MED16: variants seen among roughly 807,000 people sequenced by gnomAD.
MED16 encodes mediator complex subunit 16.
A neutral mutation model predicts 84.4 loss-of-function variants in MED16; 81 were observed. The observed-to-expected ratio is 0.96, with a 90% CI of 0.80 to 1.15. The LOEUF is 1.15. Ranked by LOEUF, MED16 falls within the 50% of genes most tolerant of loss-of-function variation. The pLI, the probability that MED16 is intolerant of heterozygous loss-of-function variation, is 0.00. For synonymous variants in MED16, 897 were observed against 552.2 expected (o/e 1.62, Z -8.76); for missense variants, 1,585 against 1,245.9 (o/e 1.27, Z -4.10).
At position 873,595 on chromosome 19, in the gene MED16, G is replaced by A. The variant is rs201099093; in HGVS notation, c.1772-13C>T. On this transcript the variant is annotated splice_polypyrimidine_tract_variant and intron_variant, in intron 10 of 15. Transcript: ENST00000325464. ...ACCTTGTCAATGTCTACAAGGAGAC[G>A]TGGGTCGGGTCAGCTCGGGCCTCTT... 167 of 1,611,810 alleles carry A rather than the reference G, an allele frequency of 1.0e-4. No individual in the cohort carries two copies. The highest frequency in any genetic ancestry group is 1.2e-4 in the Non-Finnish European group (143 of 1,179,544).
At chr19:889,043 C>T (rs530205320) in intron 4 of MED16, among the ~76,000 whole-genome samples, 7 of 141,500 alleles carry the variant, frequency 4.9e-5, no homozygotes, top group African/African-American at 1.9e-4. Flanking sequence ...CACGCCTACT[C>T]TTAACTGTCC....
chr19:881,484 C>T (rs533264171), intron 7 of MED16, 75 bp downstream of exon 7: 39 of 1,519,142 alleles, frequency 2.6e-5, no homozygotes, highest in East Asian at 2.1e-4. Context: ...CCCACGACCC[C>T]GTGGCCTGTG....
At chr19:879,130 C>A in intron 8 of MED16, among the ~76,000 whole-genome samples, 1 of 141,964 alleles carries the variant, frequency 7.0e-6, no homozygotes, top group African/African-American at 2.6e-5. Context: ...CCCCCCAGCC[C>A]CAGCCCCAGC....
chr19:891,208 G>C, intron 1 of MED16, 59 bp from the exon 2 acceptor site: 1 of 1,504,372 alleles, frequency 6.6e-7, no homozygotes, highest in South Asian at 1.2e-5. Flanking sequence ...GGCATGTGGA[G>C]TGCCAGGCCA....
At chr19:870,404 T>C (rs1047399982) in intron 13 of MED16, among the ~76,000 whole-genome samples, 1 of 151,438 alleles carries the variant, frequency 6.6e-6, no homozygotes. Flanking sequence ...ATACCAAAAA[T>C]ACAAAAAATA....
intron 9 of MED16, among the ~76,000 whole-genome samples, chr19:876,088 C>A (rs890432406): frequency 6.6e-6 from 1 of 152,200 alleles, no homozygotes; most frequent in Non-Finnish European, 1.5e-5. Flanking sequence ...GCCTCGCAGC[C>A]CCCGCCTGGG....
At chr19:873,985 C>A (rs1387309532) in intron 10 of MED16, among the ~76,000 whole-genome samples, 1 of 152,224 alleles carries the variant, frequency 6.6e-6, no homozygotes, top group Non-Finnish European at 1.5e-5. Context: ...GGCGGTTACA[C>A]ACCCAACAGA....
At chr19:877,468 C>T (rs561515488) in intron 8 of MED16, among the ~76,000 whole-genome samples, 74 of 151,602 alleles carry the variant, frequency 4.9e-4, no homozygotes, top group African/African-American at 1.7e-3. Flanking sequence ...CCGTGAAAGG[C>T]GGTCCTCTCA....
intron 7 of MED16, 91 bp from the exon 8 acceptor site, chr19:880,239 C>T (rs903776359): frequency 1.9e-5 from 24 of 1,246,830 alleles, no homozygotes; most frequent in African/African-American, 9.5e-5. Context: ...TGTGGAGAGC[C>T]GGGGCTGCCC....
chr19:891,181 G>A lies in MED16; in HGVS notation c.-18-32C>T, dbSNP rs539890592. On this transcript the variant is annotated intron_variant, in intron 1 of 15. Coordinates refer to ENST00000325464, the MANE Select transcript of MED16 (RefSeq NM_005481.3). ...GAGGGAGGTGTGGTGGGACGTCTAT[G>A]TTGGCTGAGCACCCAGGGCATGTGG... 58 of 1,575,154 alleles carry A rather than the reference G, an allele frequency of 3.7e-5. No homozygotes were observed. The East Asian group carries it at 1.2e-3, about 31-fold the overall frequency.
At chr19:877,287 C>T (rs910452776) in intron 8 of MED16, 107 bp from the exon 9 acceptor site, 28 of 1,055,068 alleles carry the variant, frequency 2.7e-5, no homozygotes, top group Admixed American at 8.9e-5. Context: ...TCTGTGTGCG[C>T]GCACGCCCGT....
At chr19:879,858 G>A in intron 8 of MED16, 79 bp downstream of exon 8, 1 of 931,422 alleles carries the variant, frequency 1.1e-6, no homozygotes, top group Non-Finnish European at 1.5e-6. Context: ...CCTTCCCCTG[G>A]TTGTCAATGC....
At chr19:883,947 C>T (rs1036729845) in intron 6 of MED16, among the ~76,000 whole-genome samples, 1 of 152,122 alleles carries the variant, frequency 6.6e-6, no homozygotes, top group African/African-American at 2.4e-5. Context: ...TCACTACAAG[C>T]CCTGGGGGAA....
chr19:877,042 T>G lies in MED16; in HGVS notation c.1492A>C (p.Ser498Arg), dbSNP rs753980174. Residue 498 changes from serine to arginine, a missense_variant, in exon 9 of 16, where the codon AGT becomes CGT. Coordinates refer to ENST00000325464, the MANE Select transcript of MED16 (RefSeq NM_005481.3). ...WWDILLHVQP[S>R]MVQSLVEKLH... The stretch of plus-strand genomic sequence containing the variant: ...TTCTCCACCAGGCTCTGTACCATAC[T>G]GGGCTGCACGTGCAGCAGGATGTCC... The G allele has an allele frequency of 4.1e-5, 66 of 1,612,470 alleles. No individual in the cohort carries two copies. The highest frequency in any genetic ancestry group is 2.7e-4 in the East Asian group (12 of 44,886).
At chr19:871,587 A>G in intron 12 of MED16, 1 of 1,595,926 alleles carries the variant, frequency 6.3e-7, no homozygotes, top group Non-Finnish European at 8.5e-7. Context: ...CCCGACAAGG[A>G]GAGACAGCAA....
At position 871,502 on chromosome 19, in the gene MED16, T is replaced by C. The variant is rs546858121; in HGVS notation, c.2099-249A>G. 54 of 1,515,218 alleles carry C rather than the reference T, an allele frequency of 3.6e-5. No homozygotes were observed. In the African/African-American group the frequency reaches 5.5e-4, roughly 15 times the overall value. The allele number at this position is 1,515,218 out of a possible 1,614,324, so 93.9% of individuals were successfully genotyped here. A position where few individuals can be genotyped will look rare whatever the true frequency, so the allele number is the denominator to read the frequency against. On this transcript the variant is annotated intron_variant, in intron 12 of 15. Transcript: ENST00000325464. ...GACTCCCTCATTCACTTAAAAAGTA[T>C]GTGGGAAGCACTGTGCCTTTTCCAG...
At position 876,833 on chromosome 19, in the gene MED16, C is replaced by G. The variant is rs556050849; in HGVS notation, c.1560+141G>C. The G allele has an allele frequency of 6.3e-6, 5 of 799,956 alleles. No individual in the cohort carries two copies. In the East Asian group the frequency reaches 1.4e-4, roughly 22 times the overall value. 49.6% of individuals were successfully genotyped at this position (799,956 alleles called of 1,614,324 possible). On this transcript the variant is annotated intron_variant, in intron 9 of 15. Transcript: ENST00000325464. ...ACTTTACTGACCACGGGGCCCCTGC[C>G]TGCCACAGGGACAGCCCCACCTGGC...
chr19:869,545 C>T (rs2035997352), intron 13 of MED16, among the ~76,000 whole-genome samples: 1 of 152,174 alleles, frequency 6.6e-6, no homozygotes, highest in Non-Finnish European at 1.5e-5. Flanking sequence ...TTTCCTGAAA[C>T]CCAAACCCTC....
intron 4 of MED16, among the ~76,000 whole-genome samples, chr19:886,996 T>G (rs1030761775): frequency 1.3e-5 from 2 of 151,414 alleles, no homozygotes; most frequent in African/African-American, 4.9e-5. Context: ...GGAGAATTGC[T>G]GGAATCCAGG....
Sources: allele counts gnomAD v4.1 joint callset (sites outside exome capture counted in the v4.1 genomes callset), GRCh38; gene constraint gnomAD v4.1.1; transcripts MANE v1.5; gene names NCBI Gene and HGNC (gene_info 2026-07-23, HGNC 2026-07-21).